The following NEGR1 variants were observed in gnomAD, a reference collection of about 807,000 sequenced individuals.
NEGR1 encodes neuronal growth regulator 1, also known as IgLON family member 4.
NEGR1 carries 10 observed loss-of-function variants against 40.9 expected under a neutral mutation model. That is an observed-to-expected ratio of 0.24 (90% CI 0.15 to 0.42). NEGR1 has a LOEUF of 0.42. NEGR1 is among the 10% of genes least tolerant of loss of function. The pLI is 1.00. For missense variants in NEGR1, 352 were observed against 438.9 expected (o/e 0.80, Z 1.77); for synonymous variants, 185 against 166.8 (o/e 1.11, Z -0.84).
rs3061534 is a variant in NEGR1 at position 71,952,957 on chromosome 1, G to GAAA, written c.177-17649_177-17647dup. Among the ~76,000 whole-genome samples the GAAA allele has an allele frequency of 6.5e-3, 805 of 123,832 alleles. 4 individuals carry two copies. The highest frequency in any genetic ancestry group is 0.02 in the African/African-American group (712 of 35,488). The allele number at this position is 123,832 out of a possible 152,430, so 81.2% of individuals were successfully genotyped here. ...GTCATAGTTAAGACCTACTGCTCAG[G>GAAA]AAAAAAAAAAAAAAAAGGTTCTTTT... On this transcript the variant is annotated intron_variant, in intron 1 of 6. Transcript: ENST00000357731.
At chr1:71,920,662 G>A (rs1332084739) in intron 2 of NEGR1, among the ~76,000 whole-genome samples, 5 of 152,150 alleles carry the variant, frequency 3.3e-5, no homozygotes, top group African/African-American at 4.8e-5. Context: ...TGCTTAGCAC[G>A]AAGCAAATGC....
chr1:72,229,419 C>G (rs970229223), intron 1 of NEGR1, among the ~76,000 whole-genome samples: 2 of 148,222 alleles, frequency 1.3e-5, no homozygotes, highest in Middle Eastern at 3.8e-3. Context: ...ATAGCACATT[C>G]TATCATTTAA....
At position 71,405,168 on chromosome 1, in the gene NEGR1, A is replaced by C. The variant is rs1157400819; in HGVS notation, c.*2278T>G. 4 of 152,226 alleles carry C rather than the reference A, an allele frequency of 2.6e-5. No individual in the cohort carries two copies. The highest frequency in any genetic ancestry group is 5.9e-5 in the Non-Finnish European group (4 of 67,774). 9.4% of individuals were successfully genotyped at this position (152,226 alleles called of 1,614,324 possible). ...TATGGTAAAAACACCAGACTCCACA[A>C]ATTTGGAATCATGACAACACTTTGA... is the stretch of plus-strand genomic sequence containing the variant. On this transcript the variant is annotated 3_prime_UTR_variant, in exon 7 of 7. Transcript: ENST00000357731.
intron 3 of NEGR1, among the ~76,000 whole-genome samples, chr1:71,710,780 C>T (rs962030580): frequency 5.3e-5 from 8 of 149,824 alleles, no homozygotes; most frequent in Non-Finnish European, 5.9e-5. Flanking sequence ...TTAATGGGTA[C>T]TAAAAATTTA....
At chr1:72,164,084 G>A (rs1651687589) in intron 1 of NEGR1, among the ~76,000 whole-genome samples, 1 of 151,714 alleles carries the variant, frequency 6.6e-6, no homozygotes, top group Non-Finnish European at 1.5e-5. Flanking sequence ...GCTTCCATCA[G>A]TAAGTTTTCA....
At chr1:71,635,864 A>G (rs377337298) in intron 4 of NEGR1, among the ~76,000 whole-genome samples, 7 of 151,982 alleles carry the variant, frequency 4.6e-5, no homozygotes, top group African/African-American at 1.7e-4. Context: ...TACTTTTAAT[A>G]TACACCTTAA....
intron 3 of NEGR1, among the ~76,000 whole-genome samples, chr1:71,711,612 A>G (rs1654094950): frequency 6.6e-6 from 1 of 152,146 alleles, no homozygotes; most frequent in African/African-American, 2.4e-5. Flanking sequence ...AAAACTGAAC[A>G]TTCATTGACC....
intron 2 of NEGR1, among the ~76,000 whole-genome samples, chr1:71,783,380 G>A (rs1054936831): frequency 6.6e-6 from 1 of 152,098 alleles, no homozygotes; most frequent in Non-Finnish European, 1.5e-5. Flanking sequence ...ATTGTTTCAT[G>A]CTTTTTTCTC....
chr1:72,074,966 G>C (rs745770839), intron 1 of NEGR1, among the ~76,000 whole-genome samples: 14 of 151,966 alleles, frequency 9.2e-5, no homozygotes, highest in Admixed American at 5.9e-4. Context: ...TATTTTATCT[G>C]ACATTTCTAA....
At chr1:71,912,808 G>C (rs1661456121) in intron 2 of NEGR1, among the ~76,000 whole-genome samples, 1 of 91,828 alleles carries the variant, frequency 1.1e-5, no homozygotes, top group Non-Finnish European at 2.8e-5. Flanking sequence ...GTATGTACAT[G>C]TGTGTGTATA....
chr1:72,129,109 G>A (rs971022776), intron 1 of NEGR1, among the ~76,000 whole-genome samples: 2 of 152,136 alleles, frequency 1.3e-5, no homozygotes, highest in African/African-American at 4.8e-5. Flanking sequence ...ATGTCAGATT[G>A]TGGAACTTTT....
At chr1:71,939,321 T>C (rs1645938831) in intron 1 of NEGR1, among the ~76,000 whole-genome samples, 1 of 152,170 alleles carries the variant, frequency 6.6e-6, no homozygotes. Context: ...TTATTGTCTG[T>C]CTCTTTCCAC....
chr1:72,018,496 T>C (rs555498685), intron 1 of NEGR1, among the ~76,000 whole-genome samples: 84 of 152,282 alleles, frequency 5.5e-4, no homozygotes, highest in African/African-American at 2.0e-3. Flanking sequence ...ATTATGTACG[T>C]TTTATGACAT....
chr1:71,748,382 C>T (rs1194639363), intron 3 of NEGR1, among the ~76,000 whole-genome samples: 1 of 152,126 alleles, frequency 6.6e-6, no homozygotes, highest in Non-Finnish European at 1.5e-5. Flanking sequence ...AATAGGTCTG[C>T]ATGAATTCAC....
chr1:71,536,349 G>A (rs1174047246), intron 6 of NEGR1, among the ~76,000 whole-genome samples: 1 of 151,648 alleles, frequency 6.6e-6, no homozygotes, highest in Non-Finnish European at 1.5e-5. Context: ...ATTCTCTCAG[G>A]AGTGAGTGAG....
At chr1:71,778,075 T>C (rs1656572723) in intron 2 of NEGR1, among the ~76,000 whole-genome samples, 1 of 151,980 alleles carries the variant, frequency 6.6e-6, no homozygotes, top group Non-Finnish European at 1.5e-5. Flanking sequence ...GAGTTAATAA[T>C]AATAAATTTA....
intron 1 of NEGR1, among the ~76,000 whole-genome samples, chr1:71,968,920 G>A (rs1482736372): frequency 6.6e-6 from 1 of 152,162 alleles, no homozygotes; most frequent in Non-Finnish European, 1.5e-5. Context: ...ATAGGGGAAT[G>A]TGGCTTCCTG....
chr1:71,431,079 T>A (rs12143839), intron 6 of NEGR1, among the ~76,000 whole-genome samples: 121 of 150,938 alleles, frequency 8.0e-4, no homozygotes, highest in Admixed American at 2.4e-3. Flanking sequence ...ATCTTTTTTT[T>A]ATGACCTTTT....
intron 6 of NEGR1, among the ~76,000 whole-genome samples, chr1:71,579,217 G>A (rs72940367): frequency 0.015 from 2,247 of 152,156 alleles, 53 homozygotes; most frequent in African/African-American, 0.052. Flanking sequence ...TGCCCTCTGT[G>A]TTCCAGTCAC....
Sources: gnomAD v4.1 joint callset for allele counts (sites outside exome capture counted in the v4.1 genomes callset) on GRCh38, gnomAD v4.1.1 for gene constraint, MANE v1.5 for transcripts, NCBI Gene and HGNC (gene_info 2026-07-23, HGNC 2026-07-21) for gene names.